CDC6: variants seen among roughly 807,000 people sequenced by gnomAD.
CDC6 encodes DNA replication factor CDC6.
CDC6 carries 46 observed loss-of-function variants against 60.2 expected under a neutral mutation model. The ratio of observed to expected loss-of-function variants is 0.76; its 90% CI spans 0.60 to 0.98. CDC6 has a LOEUF of 0.98. CDC6 is among the 50% of genes least tolerant of loss of function. The probability of loss-of-function intolerance (pLI) is 0.00; values close to 1 mark genes in which losing one functional copy is unlikely to be tolerated. For missense variants in CDC6, 596 were observed against 652.9 expected (o/e 0.91, Z 0.95); for synonymous variants, 210 against 233.2 (o/e 0.90, Z 0.90).
chr17:40,289,678 A>G, intron 2 of CDC6, 80 bp downstream of exon 2: 1 of 790,196 alleles, frequency 1.3e-6, no homozygotes, highest in Non-Finnish European at 2.2e-6. Flanking sequence ...CCTTTGAAGG[A>G]GCTTTCTAAG....
intron 1 of CDC6, 82 bp from the exon 2 acceptor site, chr17:40,289,326 C>T: frequency 9.5e-7 from 1 of 1,056,186 alleles, no homozygotes. Flanking sequence ...TGTTAATCAT[C>T]AGTATAAATA....
chr17:40,303,519 A>G lies in CDC6; in HGVS notation c.*1518A>G, dbSNP rs954275772. ...TGTGATCTGAGCTACAACAGGTGGTATGGGATAGAGGCAAGGAAAGCAGAG... is the reference window on the plus strand; with the variant it reads ...TGTGATCTGAGCTACAACAGGTGGTGTGGGATAGAGGCAAGGAAAGCAGAG... On this transcript the variant is annotated 3_prime_UTR_variant, in exon 12 of 12. Transcript: ENST00000209728. 3.9e-5 allele frequency: 6 copies of G among 152,406 alleles called. No homozygotes were observed. The highest frequency in any genetic ancestry group is 1.9e-4 in the East Asian group (1 of 5,192). The allele number at this position is 152,406 out of a possible 1,614,324, so 9.4% of individuals were successfully genotyped here. A position where few individuals can be genotyped will look rare whatever the true frequency, so the allele number is the denominator to read the frequency against.
rs996490612 is a variant in CDC6 at position 40,302,239 on chromosome 17, C to G, written c.*238C>G. The stretch of plus-strand genomic sequence containing the variant: ...TTTTTAATTACATTCACTACTTCTA[C>G]CACTTGTGTATCTCTAGCCAATGTG... On this transcript the variant is annotated 3_prime_UTR_variant, in exon 12 of 12. Transcript: ENST00000209728. The G allele has an allele frequency of 2.1e-5, 11 of 524,952 alleles. No individual in the cohort carries two copies. In the African/African-American group the frequency reaches 2.1e-4, roughly 10 times the overall value. 32.5% of individuals were successfully genotyped at this position (524,952 alleles called of 1,614,324 possible).
chr17:40,296,571 G>GGT (rs2032862931), intron 8 of CDC6, 132 bp from the exon 9 acceptor site: 4 of 678,450 alleles, frequency 5.9e-6, no homozygotes, highest in Non-Finnish European at 1.1e-5. Context: ...GCTAAACCAT[G>GGT]TTAGCCTACA....
intron 1 of CDC6, among the ~76,000 whole-genome samples, chr17:40,288,993 G>C (rs2143064458): frequency 1.3e-5 from 2 of 152,320 alleles, no homozygotes; most frequent in East Asian, 1.9e-4. Flanking sequence ...GGGCCACCGC[G>C]CCCGGCCCAT....
chr17:40,294,786 G>C (rs1046082717), intron 7 of CDC6, among the ~76,000 whole-genome samples: 1 of 150,878 alleles, frequency 6.6e-6, no homozygotes, highest in African/African-American at 2.4e-5. Flanking sequence ...GTGCAATGGC[G>C]TGATCTCGGC....
intron 5 of CDC6, 74 bp downstream of exon 5, chr17:40,293,705 A>G (rs1394765144): frequency 4.1e-6 from 5 of 1,215,840 alleles, no homozygotes; most frequent in Admixed American, 1.7e-5. Context: ...TACATTTTGT[A>G]TATTTTCTCT....
chr17:40,293,504 A>T lies in CDC6; in HGVS notation c.709A>T (p.Arg237Trp). The change falls in exon 5 of 12, where the codon AGG becomes TGG. Residue 237 changes from arginine to tryptophan, a missense_variant. Coordinates refer to ENST00000209728, the MANE Select transcript of CDC6 (RefSeq NM_001254.4). ...KTIMLNCMSLRTAQAVFPAIA... is the reference protein window; with the variant it reads ...KTIMLNCMSLWTAQAVFPAIA... ...TATCATGCTGAATTGCATGTCCTTG[A>T]GGACTGCCCAGGCTGTATTCCCAGC... 1 of 1,614,000 alleles carries T rather than the reference A, an allele frequency of 6.2e-7. No individual in the cohort carries two copies. Among genetic ancestry groups the T allele is most frequent in the Non-Finnish European group, 8.5e-7 (1 of 1,179,880 alleles).
intron 9 of CDC6, among the ~76,000 whole-genome samples, chr17:40,297,188 G>GGTT (rs1216582460): frequency 3.7e-4 from 56 of 152,174 alleles, no homozygotes; most frequent in Non-Finnish European, 6.3e-4. Context: ...TGTAATCCCA[G>GGTT]CACTTTGGGA....
At chr17:40,289,668 C>A (rs1272489555) in intron 2 of CDC6, 70 bp downstream of exon 2, 3 of 1,109,648 alleles carry the variant, frequency 2.7e-6, no homozygotes, top group East Asian at 2.5e-5. Context: ...AGATGTGTGT[C>A]CTTTGAAGGA....
chr17:40,293,583 T>C lies in CDC6; in HGVS notation c.788T>C (p.Met263Thr), dbSNP rs2032805701. 2.5e-6 allele frequency: 4 copies of C among 1,613,882 alleles called. No individual in the cohort carries two copies. Among genetic ancestry groups the C allele is most frequent in the Middle Eastern group, 3.3e-4 (2 of 6,062 alleles). ...EEVSRPAGKD[M>T]MRKLEKHMTA... ...GTATCCAGGCCAGCTGGGAAGGACA[T>C]GATGAGGAAATTGGAAAAACATATG... Residue 263 changes from methionine (M) to threonine (T), a missense_variant, in exon 5 of 12, where the codon ATG (methionine) becomes ACG (threonine). By Grantham distance (81) the Met-to-Thr change is moderately conservative. Transcript: ENST00000209728.
chr17:40,292,208 T>C (rs957302558), intron 4 of CDC6, among the ~76,000 whole-genome samples: 4 of 152,118 alleles, frequency 2.6e-5, no homozygotes, highest in Admixed American at 2.6e-4. Flanking sequence ...AGCTAATTTT[T>C]TGTAGAGACA....
chr17:40,291,220 A>C lies in CDC6; in HGVS notation c.341A>C (p.Lys114Thr). Residue 114 changes from lysine (K) to threonine (T), a missense_variant, in exon 3 of 12, where the codon AAA (lysine) becomes ACA (threonine). Coordinates refer to ENST00000209728, the MANE Select transcript of CDC6 (RefSeq NM_001254.4). ...TCTCCTAGCAAAAGAGAACTAGCCA[A>C]AGTTCACCAAAACAAAATACTTTCT... ...IKSPSKRELAKVHQNKILSSV... is the reference protein window; with the variant it reads ...IKSPSKRELATVHQNKILSSV... The C allele has an allele frequency of 6.2e-7, 1 of 1,614,220 alleles. No individual in the cohort carries two copies. The highest frequency in any genetic ancestry group is 1.3e-5 in the African/African-American group (1 of 75,064).
chr17:40,294,006 A>G lies in CDC6; in HGVS notation c.893A>G (p.Tyr298Cys). 1 of 1,614,144 alleles carries G rather than the reference A, an allele frequency of 6.2e-7. No individual in the cohort carries two copies. Among genetic ancestry groups the G allele is most frequent in the Non-Finnish European group, 8.5e-7 (1 of 1,179,972 alleles). The change falls in exon 6 of 12, where the codon TAC becomes TGC. Residue 298 changes from tyrosine to cysteine, a missense_variant. Transcript: ENST00000209728. Reference sequence around the variant, plus strand: ...GACAGCAAAGGCCAGGATGTATTGTACACGCTATTTGAATGGCCATGGCTA... The same window carrying G: ...GACAGCAAAGGCCAGGATGTATTGTGCACGCTATTTGAATGGCCATGGCTA... The part of the protein sequence containing the change: ...QLDSKGQDVL[Y>C]TLFEWPWLSN...
At chr17:40,296,264 C>G (rs2032857550) in intron 8 of CDC6, among the ~76,000 whole-genome samples, 1 of 152,090 alleles carries the variant, frequency 6.6e-6, no homozygotes, top group Admixed American at 6.5e-5. Context: ...GAAGATATCC[C>G]TTTTAGGTTT....
At chr17:40,298,598 T>A (rs1304762589) in intron 9 of CDC6, among the ~76,000 whole-genome samples, 1 of 152,074 alleles carries the variant, frequency 6.6e-6, no homozygotes, top group Non-Finnish European at 1.5e-5. Flanking sequence ...TGGAGGAGTC[T>A]CCTTATGTTG....
At position 40,294,050 on chromosome 17, in the gene CDC6, C is replaced by T. The variant is rs1389766313; in HGVS notation, c.937C>T (p.Leu313=). Residue 313 remains leucine, a synonymous_variant, in exon 6 of 12, where the codon CTG becomes TTG. Transcript: ENST00000209728. The part of the protein sequence containing the change: ...WPWLSNSHLV[L]IGIANTLDLT... The stretch of plus-strand genomic sequence containing the variant: ...ATGGCTAAGCAATTCTCACTTGGTG[C>T]TGATTGGTTAGTGCTCAATTGTTAA... 1 of 1,604,946 alleles carries T rather than the reference C, an allele frequency of 6.2e-7. No individual in the cohort carries two copies. The highest frequency in any genetic ancestry group is 1.7e-5 in the Admixed American group (1 of 60,014).
chr17:40,294,042 A>T lies in CDC6; in HGVS notation c.929A>T (p.His310Leu), dbSNP rs753064373. 9 of 1,610,846 alleles carry T rather than the reference A, an allele frequency of 5.6e-6. No homozygotes were observed. The highest frequency in any genetic ancestry group is 6.8e-6 in the Non-Finnish European group (8 of 1,177,104). ...LFEWPWLSNSHLVLIGIANTL... is the reference protein window; with the variant it reads ...LFEWPWLSNSLLVLIGIANTL... ...GAATGGCCATGGCTAAGCAATTCTC[A>T]CTTGGTGCTGATTGGTTAGTGCTCA... The change falls in exon 6 of 12, where the codon CAC (histidine) becomes CTC (leucine). Residue 310 changes from histidine (H) to leucine (L), a missense_variant. By Grantham distance (99) the His-to-Leu change is moderately conservative (BLOSUM62 -3). Transcript: ENST00000209728.
chr17:40,293,958 T>C lies in CDC6; in HGVS notation c.845T>C (p.Val282Ala), dbSNP rs779528702. The part of the protein sequence containing the change: ...TAEKGPMIVL[V>A]LDEMDQLDSK... ...TGTTTCTCTTTTTATAGTGTGTTGG[T>C]ATTGGACGAGATGGATCAACTGGAC... The change falls in exon 6 of 12, where the codon GTA becomes GCA. Residue 282 changes from valine (V) to alanine (A), a missense_variant. Physicochemically the swap from Val to Ala is moderately conservative, Grantham distance 64. Transcript: ENST00000209728. 2.4e-5 allele frequency: 38 copies of C among 1,612,092 alleles called. No individual in the cohort carries two copies. The highest frequency in any genetic ancestry group is 1.6e-4 in the Middle Eastern group (1 of 6,084).
Sources: allele counts gnomAD v4.1 joint callset (sites outside exome capture counted in the v4.1 genomes callset), GRCh38; gene constraint gnomAD v4.1.1; transcripts MANE v1.5; gene names NCBI Gene and HGNC (gene_info 2026-07-23, HGNC 2026-07-21).